MGAM: variants seen among roughly 807,000 people sequenced by gnomAD.
MGAM encodes maltase-glucoamylase, also known as alpha-1,4-glucosidase.
MGAM carries 253 observed loss-of-function variants against 358.8 expected under a neutral mutation model. The observed-to-expected ratio is 0.71, with a 90% CI of 0.64 to 0.78. The LOEUF is 0.78. MGAM is among the 30% of genes least tolerant of loss of function. MGAM has a pLI of 0.00. For missense variants in MGAM, 3,080 were observed against 3,432.6 expected, an observed-to-expected ratio of 0.90 and a Z score of 2.57; for synonymous variants, 1,105 against 1,227.1, an observed-to-expected ratio of 0.90 and a Z score of 2.08.
chr7:142,103,065 C>T (rs1816573275), intron 69 of MGAM, among the ~76,000 whole-genome samples: 1 of 152,032 alleles, frequency 6.6e-6, no homozygotes, highest in Admixed American at 6.6e-5. Context: ...TGCGAAAGAC[C>T]CTGTAGCTGC....
intron 19 of MGAM, among the ~76,000 whole-genome samples, chr7:142,039,293 C>T (rs888083977): frequency 7.3e-5 from 11 of 151,580 alleles, no homozygotes; most frequent in African/African-American, 1.9e-4. Flanking sequence ...TTTGTAGAGA[C>T]GGGGTTTCAT....
intron 1 of MGAM, among the ~76,000 whole-genome samples, chr7:142,004,016 G>C (rs146734946): frequency 5.9e-5 from 9 of 152,064 alleles, no homozygotes; most frequent in African/African-American, 2.2e-4. Context: ...GGTCAGAATG[G>C]CTATTATTGA....
At chr7:142,015,952 T>C (rs1297567944) in intron 3 of MGAM, among the ~76,000 whole-genome samples, 11 of 152,186 alleles carry the variant, frequency 7.2e-5, no homozygotes, top group African/African-American at 2.7e-4. Context: ...TTTTCTATTA[T>C]TAAAGGATCT....
intron 40 of MGAM, 112 bp downstream of exon 40, chr7:142,065,943 GTTTTTTTTT>G (rs1563188297): frequency 3.3e-6 from 2 of 615,314 alleles, no homozygotes; most frequent in African/African-American, 4.2e-5. Context: ...AAAAAAAGGT[GTTTTTTTTT>G]GTTTTGTTTT....
intron 22 of MGAM, among the ~76,000 whole-genome samples, 162 bp downstream of exon 22, chr7:142,048,035 T>C (rs1810552145): frequency 6.6e-6 from 1 of 152,130 alleles, no homozygotes; most frequent in African/African-American, 2.4e-5. Flanking sequence ...GAGGTAGTGG[T>C]AGATGACCTA....
At chr7:142,043,747 A>AT (rs1172097203) in intron 21 of MGAM, among the ~76,000 whole-genome samples, 4 of 84,314 alleles carry the variant, frequency 4.7e-5, no homozygotes, top group Admixed American at 1.6e-4. Context: ...TACATTATAT[A>AT]CACATACGAC....
At chr7:142,022,465 C>A in intron 7 of MGAM, 26 bp downstream of exon 7, 2 of 1,602,890 alleles carry the variant, frequency 1.2e-6, no homozygotes, top group Non-Finnish European at 1.7e-6. Flanking sequence ...GGCCCCTTTC[C>A]ACTGAATATC....
chr7:142,023,545 G>T (rs1236192278), intron 7 of MGAM, among the ~76,000 whole-genome samples: 2 of 151,916 alleles, frequency 1.3e-5, no homozygotes, highest in Non-Finnish European at 2.9e-5. Context: ...AAGGCCCAGC[G>T]AAGCCAAATT....
intron 57 of MGAM, among the ~76,000 whole-genome samples, chr7:142,088,795 ATCT>A (rs1815048696): frequency 8.9e-6 from 1 of 112,356 alleles, no homozygotes; most frequent in African/African-American, 3.0e-5. Context: ...CTATCTATCT[ATCT>A]ATCATTCTAT....
intron 16 of MGAM, among the ~76,000 whole-genome samples, chr7:142,035,795 G>A (rs782090295): frequency 6.6e-6 from 1 of 152,068 alleles, no homozygotes; most frequent in Non-Finnish European, 1.5e-5. Flanking sequence ...GTCAGACTTA[G>A]GCTTTAGAAA....
chr7:141,999,384 G>A (rs1001924860), intron 1 of MGAM, among the ~76,000 whole-genome samples: 3 of 152,152 alleles, frequency 2.0e-5, no homozygotes, highest in South Asian at 2.1e-4. Context: ...ACACTGTGGG[G>A]CATTATAGCA....
chr7:142,025,692 C>A (rs2128999455), intron 8 of MGAM, among the ~76,000 whole-genome samples: 1 of 152,270 alleles, frequency 6.6e-6, no homozygotes, highest in African/African-American at 2.4e-5. Flanking sequence ...GGCGAGTAAG[C>A]AATGCTGTAG....
intron 12 of MGAM, 104 bp downstream of exon 12, chr7:142,030,861 C>T: frequency 1.4e-6 from 1 of 739,550 alleles, no homozygotes; most frequent in Non-Finnish European, 2.3e-6. Context: ...TTTTATTGTA[C>T]ATTTTCAGTA....
chr7:142,043,940 C>T (rs1342218447), intron 21 of MGAM, among the ~76,000 whole-genome samples: 7 of 103,458 alleles, frequency 6.8e-5, no homozygotes, highest in East Asian at 2.6e-4. Flanking sequence ...TATACACATA[C>T]GACGTTTAAT....
At position 142,045,718 on chromosome 7, in the gene MGAM, A is replaced by ATCG. The variant is rs1563159054; in HGVS notation, c.2499-2066_2499-2065insCGT. On this transcript the variant is annotated intron_variant, in intron 21 of 70. Transcript: ENST00000475668. ...ACAATATATGAATATATAATATATAATATATACATACAATGTATGAATATA... is the reference window on the plus strand; with the variant it reads ...ACAATATATGAATATATAATATATAATCGTATATACATACAATGTATGAATATA... Among the ~76,000 whole-genome samples, 5 of 34,180 alleles carry ATCG rather than the reference A, an allele frequency of 1.5e-4. 1 individual carries two copies. In the East Asian group the frequency reaches 2.4e-3, roughly 16 times the overall value. 22.4% of individuals were successfully genotyped at this position (34,180 alleles called of 152,430 possible).
intron 43 of MGAM, among the ~76,000 whole-genome samples, 184 bp from the exon 44 acceptor site, chr7:142,070,810 T>G (rs1302954431): frequency 6.8e-6 from 1 of 146,208 alleles, no homozygotes; most frequent in Non-Finnish European, 1.6e-5. Context: ...AACAAGATAT[T>G]ATAGCAGCCT....
chr7:142,057,975 T>C (rs1351041606), intron 30 of MGAM, among the ~76,000 whole-genome samples: 2 of 152,164 alleles, frequency 1.3e-5, no homozygotes, highest in Non-Finnish European at 2.9e-5. Flanking sequence ...ACAGTGTCTC[T>C]AGGAATAGCG....
intron 3 of MGAM, among the ~76,000 whole-genome samples, chr7:142,008,940 C>A (rs189622176): frequency 6.6e-6 from 1 of 152,024 alleles, no homozygotes; most frequent in South Asian, 2.1e-4. Context: ...AATAAAAGTG[C>A]GGTTGCCCAG....
intron 16 of MGAM, 95 bp from the exon 17 acceptor site, chr7:142,036,074 T>C: frequency 2.2e-6 from 2 of 920,066 alleles, no homozygotes; most frequent in Non-Finnish European, 3.4e-6. Context: ...CGGTAGGAGG[T>C]TTAAGCAAGG....
Sources: allele counts gnomAD v4.1 joint callset (sites outside exome capture counted in the v4.1 genomes callset), GRCh38; gene constraint gnomAD v4.1.1; transcripts MANE v1.5; gene names NCBI Gene and HGNC (gene_info 2026-07-23, HGNC 2026-07-21).